The following SPECC1L variants were observed in gnomAD, a reference collection of about 807,000 sequenced individuals.
The protein encoded by SPECC1L is sperm antigen with calponin homology and coiled-coil domains 1 like, also known as cytospin-A.
Under a neutral mutation model 116.8 loss-of-function variants are expected in SPECC1L, and 40 were observed. That is an observed-to-expected ratio of 0.34 (90% CI 0.27 to 0.45). The LOEUF (loss-of-function observed/expected upper bound fraction) is 0.45. Among genes scored for constraint, SPECC1L ranks in the 20% least tolerant of loss-of-function variants. The pLI is 1.00. For missense variants in SPECC1L, 1,110 were observed against 1,373.6 expected (o/e 0.81, Z 3.03); for synonymous variants, 504 against 500.6 (o/e 1.01, Z -0.09).
intron 3 of SPECC1L, among the ~76,000 whole-genome samples, chr22:24,306,424 AG>A (rs1343330073): frequency 1.3e-5 from 2 of 151,248 alleles, no homozygotes; most frequent in Non-Finnish European, 2.9e-5. Flanking sequence ...TTGCCTGCCC[AG>A]GCTGGAGTAC....
intron 14 of SPECC1L, among the ~76,000 whole-genome samples, chr22:24,400,253 TG>T (rs1179027825): frequency 1.8e-4 from 28 of 152,374 alleles, no homozygotes; most frequent in African/African-American, 6.5e-4. Context: ...CCCTAGCACT[TG>T]GCAACCACTC....
At chr22:24,276,638 A>T in intron 1 of SPECC1L, 62 bp from the exon 2 acceptor site, 1 of 357,628 alleles carries the variant, frequency 2.8e-6, no homozygotes, top group Non-Finnish European at 5.5e-6. Context: ...TTTTAATTAA[A>T]CAAGAAAAAG....
intron 2 of SPECC1L, among the ~76,000 whole-genome samples, chr22:24,294,445 G>A (rs932830681): frequency 2.0e-5 from 3 of 149,900 alleles, no homozygotes; most frequent in Non-Finnish European, 2.9e-5. Flanking sequence ...GCAGCGGCAC[G>A]ATATCGGCTC....
At position 24,324,307 on chromosome 22, in the gene SPECC1L, C is replaced by G; in HGVS notation, c.2026C>G (p.Leu676Val). 1.2e-6 allele frequency: 2 copies of G among 1,613,882 alleles called. No homozygotes were observed. Among genetic ancestry groups the G allele is most frequent in the East Asian group, 2.2e-5 (1 of 44,862 alleles). ...GACGTTAGAAAAATTAAGATCAGAC[C>G]TGGATGAAAAAGAAACAGAAAGGAG... ...NMTLEKLRSDLDEKETERSDM... is the reference protein window; with the variant it reads ...NMTLEKLRSDVDEKETERSDM... The change falls in exon 6 of 17, where the codon CTG (leucine) becomes GTG (valine). Residue 676 changes from leucine (L) to valine (V), a missense_variant. Leu to Val is a conservative substitution (Grantham distance 32). Around this residue, in one of 4 missense-constraint regions of SPECC1L, gnomAD observed 575 missense variants for 682.4 expected, o/e 0.84. Coordinates refer to ENST00000314328, the MANE Select transcript of SPECC1L (RefSeq NM_015330.6).
At chr22:24,372,777 C>A (rs961558482) in intron 14 of SPECC1L, among the ~76,000 whole-genome samples, 9 of 151,050 alleles carry the variant, frequency 6.0e-5, no homozygotes, top group Admixed American at 2.6e-4. Flanking sequence ...CTGGCCAGGG[C>A]AGTCAGGCAG....
At chr22:24,394,935 AC>A (rs1016636879) in intron 14 of SPECC1L, among the ~76,000 whole-genome samples, 3 of 151,814 alleles carry the variant, frequency 2.0e-5, no homozygotes, top group African/African-American at 7.3e-5. Context: ...GGCTCAATCG[AC>A]CCTCCCACCT....
At chr22:24,302,041 G>A (rs1335544814) in intron 2 of SPECC1L, among the ~76,000 whole-genome samples, 154 bp from the exon 3 acceptor site, 14 of 149,422 alleles carry the variant, frequency 9.4e-5, no homozygotes, top group South Asian at 8.4e-4. Flanking sequence ...GCGAGACTCC[G>A]TCTCAAAAAA....
At chr22:24,361,068 CA>C (rs1436814539) in intron 11 of SPECC1L, among the ~76,000 whole-genome samples, 2 of 152,168 alleles carry the variant, frequency 1.3e-5, no homozygotes, top group East Asian at 3.8e-4. Flanking sequence ...TCCAAAGTAG[CA>C]AATAATTATA....
Position 24,318,414 on chromosome 22 carries a change from G to A in SPECC1L, c.308-2874G>A, listed in dbSNP as rs542596655. On this transcript the variant is annotated intron_variant, in intron 4 of 16. Transcript: ENST00000314328. The stretch of plus-strand genomic sequence containing the variant: ...CGCGCGCCTGCAATCGCAGGCACTC[G>A]GCAGGCTGAGGCAGGAGAATCAGGC... Among the ~76,000 whole-genome samples, 57 of 152,258 alleles carry A rather than the reference G, an allele frequency of 3.7e-4. 1 individual carries two copies. The South Asian group carries it at 0.011, about 29-fold the overall frequency.
At chr22:24,367,748 C>T (rs1248267531) in intron 13 of SPECC1L, among the ~76,000 whole-genome samples, 3 of 152,154 alleles carry the variant, frequency 2.0e-5, no homozygotes, top group Non-Finnish European at 4.4e-5. Context: ...GATTTCCTAG[C>T]GCACTTTGGA....
chr22:24,299,013 T>C (rs544822728), intron 2 of SPECC1L, among the ~76,000 whole-genome samples: 1 of 152,288 alleles, frequency 6.6e-6, no homozygotes, highest in South Asian at 2.1e-4. Flanking sequence ...TAGGGTGATA[T>C]CTGAGTTGCC....
chr22:24,343,331 A>G (rs2041218652), intron 10 of SPECC1L: 1 of 326,296 alleles, frequency 3.1e-6, no homozygotes, highest in South Asian at 2.3e-5. Flanking sequence ...CCTCATCCCC[A>G]TGCCCATTAA....
chr22:24,348,651 C>G (rs2041353798), intron 11 of SPECC1L, among the ~76,000 whole-genome samples: 1 of 152,224 alleles, frequency 6.6e-6, no homozygotes, highest in Non-Finnish European at 1.5e-5. Flanking sequence ...TACTCTGCAT[C>G]TCTCCTTCCT....
At chr22:24,288,933 C>G (rs2049104261) in intron 2 of SPECC1L, among the ~76,000 whole-genome samples, 1 of 152,110 alleles carries the variant, frequency 6.6e-6, no homozygotes, top group Non-Finnish European at 1.5e-5. Flanking sequence ...CAATTATAAG[C>G]TTTTTAGAAA....
intron 9 of SPECC1L, among the ~76,000 whole-genome samples, chr22:24,336,807 A>T (rs2041069585): frequency 6.6e-6 from 1 of 152,184 alleles, no homozygotes; most frequent in Non-Finnish European, 1.5e-5. Context: ...GAAAATAGAT[A>T]ATCAGACAAA....
At chr22:24,301,516 A>G (rs1390793121) in intron 2 of SPECC1L, among the ~76,000 whole-genome samples, 1 of 152,196 alleles carries the variant, frequency 6.6e-6, no homozygotes, top group Non-Finnish European at 1.5e-5. Flanking sequence ...AAATTAGTCT[A>G]CAGTTAGACA....
chr22:24,367,899 G>T (rs1360252579), intron 13 of SPECC1L, among the ~76,000 whole-genome samples: 2 of 152,082 alleles, frequency 1.3e-5, no homozygotes, highest in African/African-American at 2.4e-5. Context: ...TGAAAAATAG[G>T]CCAGTCTTTT....
chr22:24,401,818 C>T (rs1423806634), intron 14 of SPECC1L, among the ~76,000 whole-genome samples: 4 of 152,306 alleles, frequency 2.6e-5, no homozygotes, highest in East Asian at 1.9e-4. Context: ...TGCCCTGACT[C>T]GTTCACACCA....
intron 8 of SPECC1L, among the ~76,000 whole-genome samples, chr22:24,334,083 G>C (rs1267830746): frequency 6.6e-6 from 1 of 150,810 alleles, no homozygotes; most frequent in East Asian, 1.9e-4. Flanking sequence ...CACTATCTCG[G>C]CTCACTGCAA....
Sources: gnomAD v4.1 joint callset for allele counts (sites outside exome capture counted in the v4.1 genomes callset) on GRCh38, gnomAD v4.1.1 for gene constraint, gnomAD v4.1.1 regional missense constraint, MANE v1.5 for transcripts, NCBI Gene and HGNC (gene_info 2026-07-23, HGNC 2026-07-21) for gene names.